SRGAP3: variants seen among roughly 807,000 people sequenced by gnomAD.
SRGAP3 encodes SLIT-ROBO Rho GTPase-activating protein 3.
Under a neutral mutation model 121.1 loss-of-function variants are expected in SRGAP3, and 39 were observed. That is an observed-to-expected ratio of 0.32 (90% CI 0.25 to 0.42). The LOEUF (loss-of-function observed/expected upper bound fraction) is 0.42, where lower values mean the gene tolerates loss of function less well. Ranked by LOEUF, SRGAP3 falls within the 10% of genes least tolerant of loss-of-function variation. SRGAP3 has a pLI of 1.00. For synonymous variants in SRGAP3, 601 were observed against 570.0 expected (o/e 1.05, Z -0.77); for missense variants, 1,213 against 1,470.6 (o/e 0.82, Z 2.86).
chr3:9,037,612 CT>C, intron 11 of SRGAP3: 1 of 234,238 alleles, frequency 4.3e-6, no homozygotes, highest in South Asian at 6.7e-5. Flanking sequence ...TGCGCGCAAT[CT>C]GAGCCTGGCC....
At chr3:9,312,720 C>T (rs140426808) in intron 3 of SRGAP3, among the ~76,000 whole-genome samples, 1 of 152,252 alleles carries the variant, frequency 6.6e-6, no homozygotes, top group African/African-American at 2.4e-5. Context: ...CGCAGTGATT[C>T]ACACCTGTAA....
At chr3:9,148,135 G>A (rs950506497) in intron 1 of SRGAP3, among the ~76,000 whole-genome samples, 1 of 152,138 alleles carries the variant, frequency 6.6e-6, no homozygotes, top group East Asian at 1.9e-4. Context: ...TAATCACCAA[G>A]GGCATCAACT....
chr3:9,129,822 C>T (rs918669489), intron 1 of SRGAP3, among the ~76,000 whole-genome samples: 1 of 151,072 alleles, frequency 6.6e-6, no homozygotes, highest in Non-Finnish European at 1.5e-5. Flanking sequence ...AGTGCAGTGG[C>T]GCCATCTCAA....
At chr3:9,122,909 A>C (rs1272606832) in intron 2 of SRGAP3, among the ~76,000 whole-genome samples, 2 of 152,154 alleles carry the variant, frequency 1.3e-5, no homozygotes, top group Admixed American at 1.3e-4. Context: ...AATGCAAAAA[A>C]TGTGGACAGG....
chr3:9,340,281 C>T (rs1422686317), intron 1 of SRGAP3, among the ~76,000 whole-genome samples: 1 of 152,176 alleles, frequency 6.6e-6, no homozygotes, highest in Non-Finnish European at 1.5e-5. Flanking sequence ...CTCCAAAGAG[C>T]TCATGATTTC....
At chr3:9,206,789 G>A (rs1003713327) in intron 1 of SRGAP3, among the ~76,000 whole-genome samples, 5 of 152,058 alleles carry the variant, frequency 3.3e-5, no homozygotes, top group East Asian at 1.9e-4. Context: ...CCAGCACACC[G>A]CATCCCCCTA....
At chr3:9,167,618 G>A (rs1274759259) in intron 1 of SRGAP3, among the ~76,000 whole-genome samples, 1 of 152,144 alleles carries the variant, frequency 6.6e-6, no homozygotes, top group Admixed American at 6.5e-5. Context: ...CCTAGCTTTT[G>A]GCCAGCTCTG....
intron 12 of SRGAP3, among the ~76,000 whole-genome samples, chr3:9,028,964 C>A (rs953820104): frequency 2.9e-4 from 44 of 152,170 alleles, no homozygotes; most frequent in African/African-American, 1.0e-3. Flanking sequence ...CTCTTTCCAC[C>A]TGTGCAGCAG....
intron 2 of SRGAP3, among the ~76,000 whole-genome samples, chr3:9,117,677 G>A (rs942726291): frequency 2.6e-5 from 4 of 152,156 alleles, no homozygotes; most frequent in Non-Finnish European, 5.9e-5. Context: ...AACTGAGAAA[G>A]CTAGAATAGA....
At chr3:9,112,633 C>T (rs938832978) in intron 2 of SRGAP3, among the ~76,000 whole-genome samples, 3 of 152,144 alleles carry the variant, frequency 2.0e-5, no homozygotes, top group East Asian at 1.9e-4. Context: ...CTGGGGAAGG[C>T]GGAGGGGAGG....
chr3:9,324,956 C>CA (rs879672779), intron 3 of SRGAP3, among the ~76,000 whole-genome samples: 3,261 of 141,146 alleles, frequency 0.023, 113 homozygotes, highest in African/African-American at 0.076. Flanking sequence ...GACTCCATCT[C>CA]AAAAAAAAAA....
At chr3:9,302,153 A>G (rs1303262016) in intron 3 of SRGAP3, among the ~76,000 whole-genome samples, 1 of 152,048 alleles carries the variant, frequency 6.6e-6, no homozygotes, top group Non-Finnish European at 1.5e-5. Context: ...CATTTTAGAG[A>G]TGGGAAACTT....
chr3:8,981,341 G>A lies in SRGAP3; in HGVS notation c.*4178C>T, dbSNP rs914874196. ...TGCCTTTCCTCCTGGCCGCCACCCC[G>A]ACTCCCAGCCCAGCAGGGGCTAACC... On this transcript the variant is annotated 3_prime_UTR_variant, in exon 22 of 22. Coordinates refer to ENST00000383836, the MANE Select transcript of SRGAP3 (RefSeq NM_014850.4). 2.1e-5 allele frequency: 5 copies of A among 232,862 alleles called. No homozygotes were observed. The highest frequency in any genetic ancestry group is 1.2e-4 in the East Asian group (2 of 16,508). The allele number at this position is 232,862 out of a possible 1,614,324, so 14.4% of individuals were successfully genotyped here.
At chr3:9,250,524 T>C (rs1022954479), upstream of SRGAP3, among the ~76,000 whole-genome samples, 1 of 152,068 alleles carries the variant, frequency 6.6e-6, no homozygotes, top group Non-Finnish European at 1.5e-5. Context: ...TCATACAAAA[T>C]GTAAAGTGCT....
intron 10 of SRGAP3, among the ~76,000 whole-genome samples, chr3:9,043,649 A>C (rs1200666191): frequency 6.6e-6 from 1 of 152,132 alleles, no homozygotes; most frequent in Non-Finnish European, 1.5e-5. Context: ...AAATATGGGA[A>C]ATCAAAACTT....
intron 4 of SRGAP3, among the ~76,000 whole-genome samples, chr3:9,076,863 A>G (rs1315561435): frequency 6.6e-6 from 1 of 152,142 alleles, no homozygotes; most frequent in East Asian, 1.9e-4. Flanking sequence ...GGCGAGTTAC[A>G]CAGCCAAGCC....
chr3:9,176,460 T>A (rs1022086431), intron 1 of SRGAP3, among the ~76,000 whole-genome samples: 1 of 152,220 alleles, frequency 6.6e-6, no homozygotes, highest in African/African-American at 2.4e-5. Flanking sequence ...GATTAGACAG[T>A]GTTCCTCAGA....
At chr3:9,214,946 G>C (rs766926268) in intron 1 of SRGAP3, among the ~76,000 whole-genome samples, 27 of 152,248 alleles carry the variant, frequency 1.8e-4, no homozygotes, top group Non-Finnish European at 2.6e-4. Flanking sequence ...ACAATCTTCT[G>C]AGTCCTGGTT....
intron 1 of SRGAP3, among the ~76,000 whole-genome samples, chr3:9,214,159 A>C (rs892027080): frequency 3.7e-5 from 5 of 136,334 alleles, no homozygotes; most frequent in Admixed American, 7.1e-5. Context: ...CACACACACA[A>C]GAATATAAGC....
Sources: gnomAD v4.1 joint callset for allele counts (sites outside exome capture counted in the v4.1 genomes callset) on GRCh38, gnomAD v4.1.1 for gene constraint, MANE v1.5 for transcripts, NCBI Gene and HGNC (gene_info 2026-07-23, HGNC 2026-07-21) for gene names.